LIPG: variants seen among roughly 807,000 people sequenced by gnomAD.
The protein encoded by LIPG is lipase G, endothelial type.
LIPG carries 34 observed loss-of-function variants against 51.8 expected under a neutral mutation model. The observed-to-expected ratio is 0.66, with a 90% confidence interval of 0.50 to 0.87. The LOEUF is 0.87. Among genes scored for constraint, LIPG ranks in the 40% least tolerant of loss-of-function variants. The pLI, the probability that LIPG is intolerant of heterozygous loss-of-function variation, is 0.00. For synonymous variants in LIPG, 246 were observed against 246.1 expected, an observed-to-expected ratio of 1.00 and a Z score of 0.00; for missense variants, 580 against 652.7, an observed-to-expected ratio of 0.89 and a Z score of 1.21.
chr18:49,577,744 G>A (rs2084739159), intron 5 of LIPG, among the ~76,000 whole-genome samples: 1 of 83,846 alleles, frequency 1.2e-5, no homozygotes, highest in South Asian at 4.9e-4. Flanking sequence ...CGGGCGGGGG[G>A]GCTGACCCCC....
chr18:49,565,581 T>C, intron 2 of LIPG, 83 bp downstream of exon 2: 3 of 1,487,842 alleles, frequency 2.0e-6, no homozygotes, highest in South Asian at 1.2e-5. Flanking sequence ...TTCTGGTGTT[T>C]CCAGATTCCA....
intron 8 of LIPG, among the ~76,000 whole-genome samples, chr18:49,586,440 C>G (rs1364769642): frequency 2.0e-5 from 3 of 152,068 alleles, no homozygotes; most frequent in Admixed American, 6.6e-5. Context: ...TTAATGAGGG[C>G]TCAGGCAGTC....
upstream of LIPG, chr18:49,562,026 C>A: frequency 1.4e-6 from 2 of 1,429,416 alleles, no homozygotes; most frequent in Non-Finnish European, 1.8e-6. Flanking sequence ...GACTCCCATA[C>A]TTTTAAAAAC....
intron 2 of LIPG, among the ~76,000 whole-genome samples, chr18:49,566,307 C>T (rs1423829324): frequency 6.6e-6 from 1 of 152,204 alleles, no homozygotes; most frequent in Non-Finnish European, 1.5e-5. Flanking sequence ...CTGTCTAACC[C>T]TGCTCATCAC....
In LIPG at chr18:49,566,956, C is replaced by T. The variant is rs1416029939; in HGVS notation, c.280-486C>T. Among the ~76,000 whole-genome samples the T allele has an allele frequency of 4.6e-5, 7 of 152,190 alleles. No individual in the cohort carries two copies. The East Asian group carries it at 1.3e-3, about 29-fold the overall frequency. ...TGGGGATGTAAGGAGCAATGGAAGA[C>T]AAATACCTGCGTAGTGATTCTGCCT... On this transcript the variant is annotated intron_variant, in intron 2 of 9. Coordinates refer to ENST00000261292, the MANE Select transcript of LIPG (RefSeq NM_006033.4).
At chr18:49,567,384 A>T in intron 2 of LIPG, 58 bp from the exon 3 acceptor site, 3 of 1,551,972 alleles carry the variant, frequency 1.9e-6, no homozygotes, top group Non-Finnish European at 2.6e-6. Context: ...AAGGAATTCC[A>T]TATTTTTTAG....
chr18:49,575,121 T>C (rs1179843641), intron 4 of LIPG, among the ~76,000 whole-genome samples: 1 of 152,214 alleles, frequency 6.6e-6, no homozygotes, highest in African/African-American at 2.4e-5. Context: ...GGTGACGGGA[T>C]ACATGAAGGC....
Position 49,583,552 on chromosome 18 carries a change from G to C in LIPG, c.1158-4G>C, listed in dbSNP as rs374219453. The C allele has an allele frequency of 2.8e-4, 452 of 1,612,702 alleles. 2 individuals carry two copies. The highest frequency in any genetic ancestry group is 2.3e-3 in the Middle Eastern group (14 of 6,058). On this transcript the variant is annotated splice_region_variant and splice_polypyrimidine_tract_variant and intron_variant, in intron 7 of 9. Coordinates refer to ENST00000261292, the MANE Select transcript of LIPG (RefSeq NM_006033.4). ...AGTGAGATCAGCTTCTCTCCCACTT[G>C]TAGAGTGGAGCGGATCGAGCAGAAT... is the stretch of plus-strand genomic sequence containing the variant.
At position 49,567,510 on chromosome 18, in the gene LIPG, C is replaced by T; in HGVS notation, c.348C>T (p.Ala116=). The change falls in exon 3 of 10, where the codon GCC becomes GCT. Residue 116 remains alanine (A), a synonymous_variant. Coordinates refer to ENST00000261292, the MANE Select transcript of LIPG (RefSeq NM_006033.4). ...CCCTGCACACAAGAGAGAAAGACGC[C>T]AATGTAGTTGTGGTTGACTGGCTCC... ...VSALHTREKD[A]NVVVVDWLPL... is the part of the protein sequence containing the mutation. 3 of 1,614,124 alleles carry T rather than the reference C, an allele frequency of 1.9e-6. No individual in the cohort carries two copies. The highest frequency in any genetic ancestry group is 1.7e-6 in the Non-Finnish European group (2 of 1,180,022).
rs1337542696 is a variant in LIPG, at chr18:49,593,875, CAT to C, written c.*3357_*3358del. On this transcript the variant is annotated 3_prime_UTR_variant, in exon 10 of 10. Transcript: ENST00000261292. ...CCAATTACTATTTATTTAAAATTGA[CAT>C]ATAATAATTGTACATATTTGTGGGG... is the stretch of plus-strand genomic sequence containing the variant. 6.6e-6 allele frequency: 1 copy of C among 152,132 alleles called. No individual in the cohort carries two copies. The highest frequency in any genetic ancestry group is 6.5e-5 in the Admixed American group (1 of 15,272). 9.4% of individuals were successfully genotyped at this position (152,132 alleles called of 1,614,324 possible).
chr18:49,573,850 C>T (rs1347264839), intron 4 of LIPG, among the ~76,000 whole-genome samples: 3 of 152,238 alleles, frequency 2.0e-5, no homozygotes, highest in Non-Finnish European at 2.9e-5. Flanking sequence ...CTTGGTGTTT[C>T]GAGGCCAGGT....
Position 49,590,713 on chromosome 18 carries a change from T to C in LIPG, c.*191T>C. The C allele has an allele frequency of 1.5e-6, 1 of 656,074 alleles. No individual in the cohort carries two copies. The highest frequency in any genetic ancestry group is 2.2e-5 in the Admixed American group (1 of 45,376). 40.6% of individuals were successfully genotyped at this position (656,074 alleles called of 1,614,324 possible). ...GGAGGGGACTGCGCTGCTATAGCTC[T>C]TGCTGCCTCTCTTGAATAGCTCTAA... is the stretch of plus-strand genomic sequence containing the variant. On this transcript the variant is annotated 3_prime_UTR_variant, in exon 10 of 10. Coordinates refer to ENST00000261292, the MANE Select transcript of LIPG (RefSeq NM_006033.4).
Position 49,598,345 on chromosome 18 carries a change from C to T in LIPG, c.*7823C>T, listed in dbSNP as rs1047895058. The T allele has an allele frequency of 1.3e-5, 2 of 152,506 alleles. No homozygotes were observed. The highest frequency in any genetic ancestry group is 4.8e-5 in the African/African-American group (2 of 41,440). 9.4% of individuals were successfully genotyped at this position (152,506 alleles called of 1,614,324 possible). A position where few individuals can be genotyped will look rare whatever the true frequency, so the allele number is the denominator to read the frequency against. ...AAATAGCTGGGACTACAGGTGTACT[C>T]CACTATGCCTGGCTACATTTTGAAT... On this transcript the variant is annotated 3_prime_UTR_variant, in exon 10 of 10. Transcript: ENST00000261292.
rs777564571 is a variant in LIPG, at chr18:49,565,275, CA to C, written c.98-40del. On this transcript the variant is annotated intron_variant, in intron 1 of 9. Coordinates refer to ENST00000261292, the MANE Select transcript of LIPG (RefSeq NM_006033.4). ...ATCAGACCCCAGGTCTCTCACTCCG[CA>C]AGTCTGCTAGATGCACCCACGCTCT... 5.0e-6 allele frequency: 8 copies of C among 1,603,490 alleles called. No individual in the cohort carries two copies. The South Asian group carries it at 6.6e-5, about 13-fold the overall frequency.
intron 5 of LIPG, 51 bp from the exon 6 acceptor site, chr18:49,581,364 A>G: frequency 6.2e-7 from 1 of 1,611,612 alleles, no homozygotes; most frequent in Non-Finnish European, 8.5e-7. Context: ...TTGAGTGTCT[A>G]ATCATCAAGA....
chr18:49,571,385 C>G (rs2084661446), intron 4 of LIPG, among the ~76,000 whole-genome samples: 1 of 152,242 alleles, frequency 6.6e-6, no homozygotes, highest in African/African-American at 2.4e-5. Flanking sequence ...AGGGAGGGAA[C>G]TTTCCAGTTC....
chr18:49,586,983 G>A, intron 9 of LIPG, 133 bp downstream of exon 9: 1 of 711,366 alleles, frequency 1.4e-6, no homozygotes, highest in South Asian at 1.6e-5. Flanking sequence ...CCTTTAAGAA[G>A]TTGGGCCGGG....
At position 49,590,201 on chromosome 18, in the gene LIPG, G is replaced by GTGTGTGTGTA. The variant is rs1399492180; in HGVS notation, c.1482-293_1482-292insGTATGTGTGT. On this transcript the variant is annotated intron_variant, in intron 9 of 9. Transcript: ENST00000261292. ...TGTGTGTGTGTGTGTGTGTGTGTGT[G>GTGTGTGTGTA]TGTGTGTATGTTGTGGGTGGATAAT... is the stretch of plus-strand genomic sequence containing the variant. 3.7e-5 allele frequency: 18 copies of GTGTGTGTGTA among 488,628 alleles called. No individual in the cohort carries two copies. The Admixed American group carries it at 4.9e-4, about 13-fold the overall frequency. The allele number at this position is 488,628 out of a possible 1,614,324, so 30.3% of individuals were successfully genotyped here.
rs2084996797 is a variant in LIPG, at chr18:49,599,143, T to C, written c.*8621T>C. On this transcript the variant is annotated 3_prime_UTR_variant, in exon 10 of 10. Transcript: ENST00000261292. The stretch of plus-strand genomic sequence containing the variant: ...TAGGATAGCTGGATCATATGGAATG[T>C]ATATGTTTAACTTTTAAATAAACTG... The C allele has an allele frequency of 6.6e-6, 1 of 152,248 alleles. No homozygotes were observed. Among genetic ancestry groups the C allele is most frequent in the South Asian group, 2.1e-4 (1 of 4,832 alleles). The allele number at this position is 152,248 out of a possible 1,614,324, so 9.4% of individuals were successfully genotyped here.
Sources: gnomAD v4.1 joint callset for allele counts (sites outside exome capture counted in the v4.1 genomes callset) on GRCh38, gnomAD v4.1.1 for gene constraint, MANE v1.5 for transcripts, NCBI Gene and HGNC (gene_info 2026-07-23, HGNC 2026-07-21) for gene names.